Variants in CDH13 observed in about 807,000 individuals in gnomAD.
CDH13 encodes the protein cadherin 13, also known as cadherin-13.
CDH13 carries 24 observed loss-of-function variants against 63.8 expected under a neutral mutation model. The observed-to-expected ratio is 0.38, with a 90% CI of 0.27 to 0.53. The LOEUF is 0.53. Among genes scored for constraint, CDH13 ranks in the 20% least tolerant of loss-of-function variants. CDH13 has a pLI of 0.85. For missense variants in CDH13, 1,049 were observed against 903.1 expected (o/e 1.16, Z -2.07); for synonymous variants, 503 against 355.3 (o/e 1.42, Z -4.67).
At chr16:83,408,225 G>C (rs966096402) in intron 6 of CDH13, among the ~76,000 whole-genome samples, 1 of 152,110 alleles carries the variant, frequency 6.6e-6, no homozygotes, top group Non-Finnish European at 1.5e-5. Flanking sequence ...TAAATAATAA[G>C]AAATTCTGCA....
At chr16:83,460,982 A>AACACACACACACACACACACACACAC (rs367812199) in intron 6 of CDH13, among the ~76,000 whole-genome samples, 1 of 134,254 alleles carries the variant, frequency 7.4e-6, no homozygotes, top group African/African-American at 2.8e-5. Flanking sequence ...CTTGTCTCAA[A>AACACACACACACACACACACACACAC]ACACACACAC....
chr16:82,953,004 A>G (rs935306117), intron 2 of CDH13, among the ~76,000 whole-genome samples: 2 of 152,222 alleles, frequency 1.3e-5, no homozygotes, highest in Non-Finnish European at 2.9e-5. Flanking sequence ...GCTTGTGAAC[A>G]TACTGCCAGC....
intron 2 of CDH13, chr16:82,953,392 T>C (rs530854688): frequency 6.6e-6 from 1 of 152,308 alleles, no homozygotes; most frequent in African/African-American, 2.4e-5. Context: ...GGTTTCTAGC[T>C]CTTAGGAGAC....
chr16:83,670,850 A>G lies in CDH13; in HGVS notation c.1162A>G (p.Lys388Glu), dbSNP rs2150856748. The G allele has an allele frequency of 6.2e-7, 1 of 1,613,960 alleles. No individual in the cohort carries two copies. The highest frequency in any genetic ancestry group is 2.2e-5 in the East Asian group (1 of 44,874). ...GVIVNLTVED[K>E]DDPTTGAWRA... ...TATTGTCAATTTGACAGTTGAAGAT[A>G]AGGATGACCCCACCACAGGTGCATG... The change falls in exon 9 of 14, where the codon AAG (lysine) becomes GAG (glutamate). Residue 388 changes from lysine (K) to glutamate (E), a missense_variant. Physicochemically the swap from Lys to Glu is moderately conservative, Grantham distance 56 (BLOSUM62 1). Transcript: ENST00000567109.
intron 3 of CDH13, among the ~76,000 whole-genome samples, chr16:83,032,891 C>G (rs1029230931): frequency 2.4e-4 from 36 of 152,154 alleles, no homozygotes; most frequent in African/African-American, 7.7e-4. Context: ...GGTGGATAGA[C>G]CAGAAAAGGT....
intron 3 of CDH13, among the ~76,000 whole-genome samples, chr16:83,049,608 T>C (rs2151501903): frequency 6.6e-6 from 1 of 152,232 alleles, no homozygotes; most frequent in Non-Finnish European, 1.5e-5. Context: ...GTGCTGGGAT[T>C]ACAGGCGTGA....
intron 4 of CDH13, among the ~76,000 whole-genome samples, chr16:83,128,764 T>C (rs942844852): frequency 3.3e-5 from 5 of 151,608 alleles, no homozygotes; most frequent in African/African-American, 4.8e-5. Flanking sequence ...TTCTGCATTG[T>C]TTTTTTACTT....
At chr16:83,750,022 G>A (rs1597173325) in intron 11 of CDH13, among the ~76,000 whole-genome samples, 1 of 152,176 alleles carries the variant, frequency 6.6e-6, no homozygotes, top group African/African-American at 2.4e-5. Context: ...TGTTGGCTGG[G>A]CACGGTGGCT....
At chr16:82,969,586 A>G (rs1908394485) in intron 2 of CDH13, among the ~76,000 whole-genome samples, 1 of 151,394 alleles carries the variant, frequency 6.6e-6, no homozygotes, top group Non-Finnish European at 1.5e-5. Flanking sequence ...GACAATTTGA[A>G]CTAGGTAATC....
intron 2 of CDH13, among the ~76,000 whole-genome samples, chr16:82,865,248 G>A (rs1390903380): frequency 3.9e-5 from 6 of 152,216 alleles, no homozygotes; most frequent in African/African-American, 1.4e-4. Flanking sequence ...GGTGGTGGCT[G>A]TCTCTCACAG....
rs1254487830 is a variant in CDH13, at chr16:82,842,143, T to TAC, written c.46-16218_46-16217insCA. On this transcript the variant is annotated intron_variant, in intron 1 of 13. Coordinates refer to ENST00000567109, the MANE Select transcript of CDH13 (RefSeq NM_001257.5). ...ATATATATATATATATATATACACA[T>TAC]ATATATATATATATATATATACACA... Among the ~76,000 whole-genome samples, 28 of 17,814 alleles carry TAC rather than the reference T, an allele frequency of 1.6e-3. 2 individuals carry two copies. The highest frequency in any genetic ancestry group is 7.2e-3 in the African/African-American group (26 of 3,610). The allele number at this position is 17,814 out of a possible 152,430, so 11.7% of individuals were successfully genotyped here.
intron 1 of CDH13, among the ~76,000 whole-genome samples, chr16:82,698,775 C>T (rs1290145598): frequency 1.3e-5 from 2 of 152,112 alleles, no homozygotes; most frequent in Non-Finnish European, 2.9e-5. Flanking sequence ...TTACAGGAAG[C>T]CAAAGAAATA....
intron 2 of CDH13, among the ~76,000 whole-genome samples, chr16:82,905,668 C>G (rs749745585): frequency 6.6e-6 from 1 of 152,058 alleles, no homozygotes; most frequent in Non-Finnish European, 1.5e-5. Context: ...GCAAAAAGAA[C>G]CAGGTAAAAT....
In CDH13 at chr16:83,505,544, T is replaced by G. The variant is rs1254945209; in HGVS notation, c.960+18889T>G. On this transcript the variant is annotated intron_variant, in intron 7 of 13. Transcript: ENST00000567109. ...TTGTGATTAATCCTTTTTTTTTTTT[T>G]TTTTTTTTTTTTTTTGAGAAGGAGT... 7.5e-5 allele frequency among the ~76,000 whole-genome samples: 11 copies of G among 147,136 alleles called. 1 individual carries two copies. Among genetic ancestry groups the G allele is most frequent in the South Asian group, 2.2e-4 (1 of 4,470 alleles).
At chr16:83,225,716 A>G (rs1437104278) in intron 5 of CDH13, among the ~76,000 whole-genome samples, 4 of 152,206 alleles carry the variant, frequency 2.6e-5, no homozygotes, top group Non-Finnish European at 5.9e-5. Context: ...GCTGCACTCC[A>G]AACCAATTAA....
chr16:83,161,641 C>A (rs938774241), intron 4 of CDH13, among the ~76,000 whole-genome samples: 1 of 152,104 alleles, frequency 6.6e-6, no homozygotes, highest in African/African-American at 2.4e-5. Context: ...TTCCCTCCCC[C>A]GCCTTGACTG....
intron 10 of CDH13, among the ~76,000 whole-genome samples, chr16:83,695,502 A>G (rs1403796523): frequency 6.6e-6 from 1 of 152,246 alleles, no homozygotes; most frequent in Admixed American, 6.5e-5. Flanking sequence ...AGGCGAAAGC[A>G]GGTGCCCTTT....
At chr16:83,026,714 A>C (rs1915837366) in intron 2 of CDH13, among the ~76,000 whole-genome samples, 1 of 152,200 alleles carries the variant, frequency 6.6e-6, no homozygotes, top group African/African-American at 2.4e-5. Flanking sequence ...GGACTTGTAC[A>C]GTCCTTTGCA....
At chr16:83,278,650 C>G (rs796751527) in intron 5 of CDH13, among the ~76,000 whole-genome samples, 43 of 152,284 alleles carry the variant, frequency 2.8e-4, no homozygotes, top group African/African-American at 1.0e-3. Context: ...TACTCTGGAT[C>G]CTGGCAATGC....
Sources: gnomAD v4.1 joint callset for allele counts (sites outside exome capture counted in the v4.1 genomes callset) on GRCh38, gnomAD v4.1.1 for gene constraint, MANE v1.5 for transcripts, NCBI Gene and HGNC (gene_info 2026-07-23, HGNC 2026-07-21) for gene names.